ADGB: variants seen among roughly 807,000 people sequenced by gnomAD.
ADGB encodes calpain-7-like protein.
Under a neutral mutation model 210.5 loss-of-function variants are expected in ADGB, and 172 were observed. The ratio of observed to expected loss-of-function variants is 0.82; its 90% CI spans 0.72 to 0.93. ADGB has a LOEUF of 0.93. ADGB is among the 40% of genes least tolerant of loss of function. ADGB has a pLI of 0.00. For synonymous variants in ADGB, 658 were observed against 662.7 expected, an observed-to-expected ratio of 0.99 and a Z score of 0.11; for missense variants, 2,025 against 1,964.8, an observed-to-expected ratio of 1.03 and a Z score of -0.58.
intron 33 of ADGB, among the ~76,000 whole-genome samples, chr6:146,790,963 T>C (rs920060323): frequency 6.6e-6 from 1 of 152,240 alleles, no homozygotes; most frequent in Admixed American, 6.5e-5. Context: ...CATCTTTTTA[T>C]ATATGTGTGG....
chr6:146,742,495 T>C (rs1407566543), intron 25 of ADGB, among the ~76,000 whole-genome samples: 2 of 152,160 alleles, frequency 1.3e-5, no homozygotes, highest in Non-Finnish European at 2.9e-5. Flanking sequence ...AACATCAGTA[T>C]TTTTGTGCAG....
intron 1 of ADGB, among the ~76,000 whole-genome samples, chr6:146,613,076 G>T (rs1780736560): frequency 1.3e-5 from 2 of 152,048 alleles, no homozygotes; most frequent in East Asian, 3.9e-4. Flanking sequence ...CCCTTCATTT[G>T]TGCCTTTGCA....
Position 146,785,151 on chromosome 6 carries a change from C to T in ADGB, c.4212+357C>T, listed in dbSNP as rs181561870. On this transcript the variant is annotated intron_variant, in intron 31 of 35. Coordinates refer to ENST00000397944, the MANE Select transcript of ADGB (RefSeq NM_024694.4). ...AATATGTGCTTTACTACACTTTGCG[C>T]AGCCTTAGATGGATTAAAAACCATG... 6.2e-4 allele frequency among the ~76,000 whole-genome samples: 95 copies of T among 152,210 alleles called. No homozygotes were observed. In the East Asian group the frequency reaches 9.9e-3, roughly 16 times the overall value.
At chr6:146,638,379 A>G (rs2114861989) in intron 2 of ADGB, among the ~76,000 whole-genome samples, 1 of 152,016 alleles carries the variant, frequency 6.6e-6, no homozygotes, top group East Asian at 1.9e-4. Flanking sequence ...GATAGACTGG[A>G]TTAAGAAAAT....
chr6:146,607,294 C>T (rs1780645686), intron 1 of ADGB, among the ~76,000 whole-genome samples: 1 of 152,256 alleles, frequency 6.6e-6, no homozygotes, highest in South Asian at 2.1e-4. Context: ...AGCCATTGGG[C>T]TGAGGCTTTA....
chr6:146,800,382 T>C (rs1189478427), intron 33 of ADGB, among the ~76,000 whole-genome samples: 2 of 152,204 alleles, frequency 1.3e-5, no homozygotes, highest in African/African-American at 2.4e-5. Flanking sequence ...GTGACTATTA[T>C]AGGACACAAG....
chr6:146,814,974 T>G, intron 35 of ADGB, 58 bp from the exon 36 acceptor site: 2 of 1,465,568 alleles, frequency 1.4e-6, no homozygotes, highest in Non-Finnish European at 9.1e-7. Flanking sequence ...TTTTTCTTTC[T>G]GGGAACATAA....
intron 13 of ADGB, among the ~76,000 whole-genome samples, chr6:146,706,150 T>C (rs1776566158): frequency 6.6e-6 from 1 of 151,976 alleles, no homozygotes. Context: ...AGTCTCAAAC[T>C]CTTGGCTTCA....
intron 11 of ADGB, 63 bp from the exon 12 acceptor site, chr6:146,692,762 C>A: frequency 2.4e-6 from 2 of 845,822 alleles, no homozygotes; most frequent in Non-Finnish European, 3.7e-6. Flanking sequence ...ATGTTAAATT[C>A]TGTATGCAAT....
intron 1 of ADGB, among the ~76,000 whole-genome samples, chr6:146,617,487 G>A (rs747595358): frequency 5.8e-4 from 88 of 151,980 alleles, no homozygotes; most frequent in African/African-American, 8.2e-4. Context: ...GAATGAAAGC[G>A]GTAAAAGTGG....
intron 18 of ADGB, chr6:146,725,666 C>T (rs575040128): frequency 6.5e-6 from 1 of 153,416 alleles, no homozygotes; most frequent in East Asian, 1.9e-4. Flanking sequence ...GATACGACAA[C>T]CTGGTAGAGG....
At chr6:146,630,538 C>T (rs2114853463) in intron 1 of ADGB, among the ~76,000 whole-genome samples, 1 of 151,812 alleles carries the variant, frequency 6.6e-6, no homozygotes, top group African/African-American at 2.4e-5. Context: ...TGAGACCCTG[C>T]TTCTTAAAAA....
intron 12 of ADGB, among the ~76,000 whole-genome samples, chr6:146,693,783 T>G (rs992472817): frequency 5.3e-5 from 8 of 152,038 alleles, no homozygotes; most frequent in African/African-American, 1.9e-4. Context: ...ATTTCCTCAA[T>G]CCAATATTTA....
At chr6:146,760,471 T>C (rs1213429439) in intron 27 of ADGB, among the ~76,000 whole-genome samples, 4 of 151,910 alleles carry the variant, frequency 2.6e-5, no homozygotes, top group African/African-American at 9.7e-5. Context: ...ATTAATTCCA[T>C]TGTATGGAGA....
At chr6:146,601,914 A>G (rs1780561486) in intron 1 of ADGB, among the ~76,000 whole-genome samples, 1 of 152,182 alleles carries the variant, frequency 6.6e-6, no homozygotes, top group African/African-American at 2.4e-5. Flanking sequence ...TTCCTTCTGA[A>G]TTTGATCGAA....
chr6:146,781,102 C>A (rs887830727), intron 29 of ADGB, among the ~76,000 whole-genome samples: 2 of 145,170 alleles, frequency 1.4e-5, no homozygotes, highest in East Asian at 2.1e-4. Context: ...CCGAGGCAGG[C>A]GGATCACGAG....
intron 1 of ADGB, chr6:146,600,349 G>T: frequency 3.7e-6 from 1 of 270,300 alleles, no homozygotes; most frequent in Non-Finnish European, 7.9e-6. Flanking sequence ...GGCCGAGGAC[G>T]CCCTTCAGAA....
chr6:146,803,521 T>C (rs1778163210), intron 35 of ADGB: 1 of 1,596,268 alleles, frequency 6.3e-7, no homozygotes, highest in African/African-American at 1.4e-5. Flanking sequence ...ACGAAGTTTA[T>C]CTGGGCTTTT....
chr6:146,756,630 C>T (rs771279199), intron 27 of ADGB, among the ~76,000 whole-genome samples: 8 of 151,956 alleles, frequency 5.3e-5, no homozygotes, highest in African/African-American at 9.7e-5. Flanking sequence ...TAATTGTGCT[C>T]GCTAAACATA....
Sources: allele counts gnomAD v4.1 joint callset (sites outside exome capture counted in the v4.1 genomes callset), GRCh38; gene constraint gnomAD v4.1.1; transcripts MANE v1.5; gene names NCBI Gene and HGNC (gene_info 2026-07-23, HGNC 2026-07-21).